Variants in PPP1R1C observed in about 807,000 individuals in gnomAD.
PPP1R1C encodes protein phosphatase 1 regulatory inhibitor subunit 1C.
PPP1R1C carries 15 observed loss-of-function variants against 17.4 expected under a neutral mutation model. The ratio of observed to expected loss-of-function variants is 0.86; its 90% CI spans 0.58 to 1.33. The LOEUF (loss-of-function observed/expected upper bound fraction) is 1.33. PPP1R1C is among the 40% of genes most tolerant of loss of function. PPP1R1C has a pLI of 0.00. For synonymous variants in PPP1R1C, 35 were observed against 43.1 expected (o/e 0.81, Z 0.73); for missense variants, 143 against 130.0 (o/e 1.10, Z -0.48).
intron 4 of PPP1R1C, among the ~76,000 whole-genome samples, chr2:182,114,793 C>G (rs544762001): frequency 6.6e-6 from 1 of 152,204 alleles, no homozygotes; most frequent in Non-Finnish European, 1.5e-5. Flanking sequence ...AACATTTGTC[C>G]AAGCGAGTGA....
chr2:181,995,734 A>G (rs991318567), intron 2 of PPP1R1C, among the ~76,000 whole-genome samples: 8 of 151,208 alleles, frequency 5.3e-5, no homozygotes, highest in Non-Finnish European at 1.2e-4. Context: ...GAAAAAGATT[A>G]CTTCTAAATT....
intron 2 of PPP1R1C, among the ~76,000 whole-genome samples, chr2:182,015,428 C>G (rs1410490763): frequency 1.3e-5 from 2 of 152,130 alleles, no homozygotes; most frequent in Non-Finnish European, 2.9e-5. Flanking sequence ...ATTACCCAGT[C>G]TCTGTTATAT....
At position 181,961,222 on chromosome 2, in the gene PPP1R1C, G is replaced by T. The variant is rs1684776269; in HGVS notation, n.111+6588G>T. ...TGCTGGCTTGATGTCTTAGAACTTTGGTGTCATTGGTCTCAGACACCACTT... is the reference window on the plus strand; with the variant it reads ...TGCTGGCTTGATGTCTTAGAACTTTTGTGTCATTGGTCTCAGACACCACTT... On this transcript the variant is annotated intron_variant and non_coding_transcript_variant, in intron 1 of 5. Coordinates refer to the PPP1R1C transcript ENST00000464264. This position sits in a 1 kb window ranked among gnomAD's most constrained non-coding sequence, Gnocchi z 5.8. 1.1e-6 allele frequency: 1 copy of T among 883,490 alleles called. No homozygotes were observed. Among genetic ancestry groups the T allele is most frequent in the Non-Finnish European group, 1.9e-6 (1 of 534,770 alleles). 54.7% of individuals were successfully genotyped at this position (883,490 alleles called of 1,614,324 possible). A position where few individuals can be genotyped will look rare whatever the true frequency, so the allele number is the denominator to read the frequency against.
chr2:182,003,195 A>G (rs1685822582), intron 2 of PPP1R1C, among the ~76,000 whole-genome samples: 1 of 152,118 alleles, frequency 6.6e-6, no homozygotes, highest in South Asian at 2.1e-4. Context: ...TGCTCTGCAT[A>G]ATCTTGCCTC....
chr2:182,021,323 T>C (rs1976726), intron 2 of PPP1R1C, among the ~76,000 whole-genome samples: 1,879 of 5,100 alleles, frequency 0.37, 325 homozygotes, highest in Middle Eastern at 0.75. Context: ...CTCTCTCTCT[T>C]TTTTTTTTTT....
intron 4 of PPP1R1C, among the ~76,000 whole-genome samples, chr2:182,113,582 G>T (rs1341302316): frequency 6.6e-6 from 1 of 151,972 alleles, no homozygotes; most frequent in Non-Finnish European, 1.5e-5. Flanking sequence ...ACTGCCAGGA[G>T]CTCTGTGCCT....
intron 2 of PPP1R1C, among the ~76,000 whole-genome samples, chr2:182,015,662 C>A (rs554601726): frequency 6.6e-6 from 1 of 152,242 alleles, no homozygotes; most frequent in East Asian, 1.9e-4. Context: ...CCCTTCAAGG[C>A]AGTGGGTTCC....
intron 2 of PPP1R1C, among the ~76,000 whole-genome samples, chr2:182,042,412 T>C (rs2125180410): frequency 6.6e-6 from 1 of 152,254 alleles, no homozygotes; most frequent in East Asian, 1.9e-4. Context: ...AAAAGACTCA[T>C]TATCAAGGTC....
chr2:181,968,539 A>G (rs998104770), intron 1 of PPP1R1C, among the ~76,000 whole-genome samples: 1 of 152,146 alleles, frequency 6.6e-6, no homozygotes, highest in Non-Finnish European at 1.5e-5. Flanking sequence ...TTCCATTTAC[A>G]TGGAATGTCT....
chr2:182,123,812 A>G (rs1040802652), intron 5 of PPP1R1C, among the ~76,000 whole-genome samples: 1 of 151,810 alleles, frequency 6.6e-6, no homozygotes, highest in Non-Finnish European at 1.5e-5. Flanking sequence ...TTGCCTGTTC[A>G]CTCTGATGGT....
intron 4 of PPP1R1C, among the ~76,000 whole-genome samples, chr2:182,106,513 C>T (rs944342672): frequency 3.9e-5 from 6 of 152,172 alleles, no homozygotes; most frequent in African/African-American, 1.4e-4. Flanking sequence ...AGGGGAAGAT[C>T]ACCTTCCCAC....
chr2:182,053,522 G>T (rs1687588966), intron 2 of PPP1R1C, among the ~76,000 whole-genome samples: 2 of 152,030 alleles, frequency 1.3e-5, no homozygotes, highest in African/African-American at 4.8e-5. Context: ...TTGCAGGTGA[G>T]ATTTTTCCAC....
chr2:182,057,073 G>A (rs1687704995), intron 2 of PPP1R1C, among the ~76,000 whole-genome samples: 3 of 152,146 alleles, frequency 2.0e-5, no homozygotes, highest in Admixed American at 1.3e-4. Context: ...TTGTAATTTG[G>A]AATGCAGAGA....
At chr2:181,979,345 T>C (rs752955803) in intron 2 of PPP1R1C, among the ~76,000 whole-genome samples, 1 of 152,240 alleles carries the variant, frequency 6.6e-6, no homozygotes, top group Non-Finnish European at 1.5e-5. Context: ...CTATATTCTA[T>C]GCATCTCCCT....
intron 2 of PPP1R1C, among the ~76,000 whole-genome samples, chr2:182,025,031 C>T (rs1574387167): frequency 6.7e-6 from 1 of 150,000 alleles, no homozygotes; most frequent in East Asian, 1.9e-4. Context: ...GACAACCACC[C>T]AATCTCTGCA....
At chr2:182,054,454 C>G (rs1261576343) in intron 2 of PPP1R1C, among the ~76,000 whole-genome samples, 5 of 152,162 alleles carry the variant, frequency 3.3e-5, no homozygotes, top group Non-Finnish European at 7.3e-5. Flanking sequence ...CCTTCCTCCT[C>G]TCACTATTCT....
At chr2:182,072,668 A>G (rs538753366) in intron 4 of PPP1R1C, among the ~76,000 whole-genome samples, 1 of 152,282 alleles carries the variant, frequency 6.6e-6, no homozygotes, top group Non-Finnish European at 1.5e-5. Flanking sequence ...GTTTGCCCTA[A>G]CTAAAATACA....
chr2:182,013,871 C>G (rs1686164547), intron 2 of PPP1R1C, among the ~76,000 whole-genome samples: 1 of 152,126 alleles, frequency 6.6e-6, no homozygotes, highest in Non-Finnish European at 1.5e-5. Context: ...TCTAGAATTT[C>G]TGCTTAATTT....
chr2:182,064,403 T>C (rs1399104959), intron 4 of PPP1R1C, among the ~76,000 whole-genome samples: 1 of 152,106 alleles, frequency 6.6e-6, no homozygotes, highest in Non-Finnish European at 1.5e-5. Flanking sequence ...TTTCTCACAC[T>C]GAAATGTTCT....
Sources: allele counts gnomAD v4.1 joint callset (sites outside exome capture counted in the v4.1 genomes callset), GRCh38; gene constraint gnomAD v4.1.1; non-coding constraint Gnocchi (gnomAD v3.1); transcripts MANE v1.5; gene names NCBI Gene and HGNC (gene_info 2026-07-23, HGNC 2026-07-21).